PRKAR1B: variants seen among roughly 807,000 people sequenced by gnomAD.
PRKAR1B encodes the protein protein kinase cAMP-dependent type I regulatory subunit beta.
PRKAR1B carries 22 observed loss-of-function variants against 46.5 expected under a neutral mutation model. The ratio of observed to expected loss-of-function variants is 0.47; its 90% CI spans 0.34 to 0.68. The LOEUF (loss-of-function observed/expected upper bound fraction) is 0.68. Among genes scored for constraint, PRKAR1B ranks in the 30% least tolerant of loss-of-function variants. PRKAR1B has a pLI of 0.01. For synonymous variants in PRKAR1B, 259 were observed against 217.7 expected (o/e 1.19, Z -1.67); for missense variants, 445 against 535.6 (o/e 0.83, Z 1.67).
chr7:590,492 G>C (rs1451747602), intron 7 of PRKAR1B, among the ~76,000 whole-genome samples: 2 of 152,238 alleles, frequency 1.3e-5, no homozygotes, highest in African/African-American at 4.8e-5. Context: ...CCGAGAGATG[G>C]GCACTTGGAG....
intron 9 of PRKAR1B, among the ~76,000 whole-genome samples, chr7:555,287 G>T (rs926872718): frequency 7.2e-5 from 11 of 152,174 alleles, no homozygotes; most frequent in Non-Finnish European, 1.6e-4. Flanking sequence ...CCCCCACGGG[G>T]CTGCTGTGCC....
intron 4 of PRKAR1B, among the ~76,000 whole-genome samples, chr7:673,148 G>A (rs531634893): frequency 3.3e-5 from 5 of 149,558 alleles, no homozygotes; most frequent in South Asian, 2.1e-4. Context: ...CCCGCTTCAG[G>A]GCTGACTCTG....
chr7:726,023 T>G (rs536618615), intron 1 of PRKAR1B, among the ~76,000 whole-genome samples: 1 of 152,270 alleles, frequency 6.6e-6, no homozygotes, highest in African/African-American at 2.4e-5. Context: ...CTCAGGATTT[T>G]CAGAACCTGG....
intron 4 of PRKAR1B, among the ~76,000 whole-genome samples, chr7:610,208 G>C (rs563835003): frequency 5.9e-5 from 9 of 152,168 alleles, no homozygotes; most frequent in African/African-American, 2.2e-4. Flanking sequence ...CCAGTGACTC[G>C]AGGCTCACGT....
chr7:554,652 A>G (rs1583191966), intron 9 of PRKAR1B, among the ~76,000 whole-genome samples: 2 of 148,848 alleles, frequency 1.3e-5, no homozygotes, highest in Admixed American at 1.3e-4. Context: ...CGGATCCCAC[A>G]GAGCCAGAAG....
At chr7:627,196 C>T (rs1035175666) in intron 4 of PRKAR1B, among the ~76,000 whole-genome samples, 4 of 152,228 alleles carry the variant, frequency 2.6e-5, no homozygotes, top group Admixed American at 2.0e-4. Context: ...CGTCGCATTG[C>T]CCAGGCTGGT....
chr7:638,488 G>A (rs1276337176), intron 4 of PRKAR1B, among the ~76,000 whole-genome samples: 6 of 152,274 alleles, frequency 3.9e-5, no homozygotes, highest in African/African-American at 1.4e-4. Flanking sequence ...GTCTCTCCTA[G>A]ACACATCACG....
rs534483410 is a variant in PRKAR1B at position 643,609 on chromosome 7, C to G, written c.440+33620G>C. The stretch of plus-strand genomic sequence containing the variant: ...TGGTGGCGCAGGCCTGTAATCCCAG[C>G]TACTCGGGAGGCTGAGGCAGGAGAA... On this transcript the variant is annotated intron_variant, in intron 4 of 10. Coordinates refer to ENST00000537384, the MANE Select transcript of PRKAR1B (RefSeq NM_001164760.2). 5.9e-5 allele frequency among the ~76,000 whole-genome samples: 9 copies of G among 151,368 alleles called. No homozygotes were observed. In the South Asian group the frequency reaches 1.7e-3, roughly 28 times the overall value.
chr7:594,698 G>A (rs1350049570), intron 7 of PRKAR1B, among the ~76,000 whole-genome samples: 1 of 151,844 alleles, frequency 6.6e-6, no homozygotes, highest in Non-Finnish European at 1.5e-5. Flanking sequence ...CCAAGACCAT[G>A]AGGGGACTCC....
At chr7:671,253 G>C (rs1025445782) in intron 4 of PRKAR1B, among the ~76,000 whole-genome samples, 1 of 151,722 alleles carries the variant, frequency 6.6e-6, no homozygotes, top group Non-Finnish European at 1.5e-5. Context: ...GGCCAGAGCC[G>C]GGCTTTTGAT....
chr7:676,272 C>T (rs555828745), intron 4 of PRKAR1B, among the ~76,000 whole-genome samples: 3 of 152,294 alleles, frequency 2.0e-5, no homozygotes, highest in Admixed American at 6.5e-5. Flanking sequence ...CCACACATGG[C>T]GTCCAAGCCC....
At chr7:675,806 C>T (rs71538103) in intron 4 of PRKAR1B, among the ~76,000 whole-genome samples, 10,548 of 152,100 alleles carry the variant, frequency 0.069, 555 homozygotes, top group Middle Eastern at 0.17. Context: ...ATTAGCCGGG[C>T]GTGGTGTCGG....
chr7:642,776 G>A lies in PRKAR1B; in HGVS notation c.440+34453C>T, dbSNP rs554933566. On this transcript the variant is annotated intron_variant, in intron 4 of 10. Coordinates refer to ENST00000537384, the MANE Select transcript of PRKAR1B (RefSeq NM_001164760.2). Reference sequence around the variant, plus strand: ...AAAGAAACAAACTCTGCCCCCTGCCGCAAGACCCCAGTCAACCCCATTTCC... The same window carrying A: ...AAAGAAACAAACTCTGCCCCCTGCCACAAGACCCCAGTCAACCCCATTTCC... Among the ~76,000 whole-genome samples, 14 of 148,926 alleles carry A rather than the reference G, an allele frequency of 9.4e-5. 1 individual carries two copies. The highest frequency in any genetic ancestry group is 3.3e-4 in the African/African-American group (13 of 39,740).
intron 4 of PRKAR1B, among the ~76,000 whole-genome samples, chr7:615,419 C>T (rs1343863375): frequency 1.2e-4 from 17 of 141,148 alleles, no homozygotes; most frequent in African/African-American, 3.4e-4. Flanking sequence ...AGCGAGACTC[C>T]GTCTCAAAAA....
chr7:652,379 C>T (rs531817983), intron 4 of PRKAR1B, among the ~76,000 whole-genome samples: 11 of 149,880 alleles, frequency 7.3e-5, no homozygotes, highest in African/African-American at 2.5e-4. Context: ...AAACCCCTCT[C>T]GGAAGACAGT....
rs755723599 is a variant in PRKAR1B, at chr7:606,211, A to G, written c.531T>C (p.Val177=). The change falls in exon 6 of 11, where the codon GTT becomes GTC. Residue 177 remains valine, a synonymous_variant. Transcript: ENST00000537384. ...QGNEGDNFYV[V]DQGEVDVYVN... is the part of the protein sequence containing the mutation. ...CACTCACATCCACTTCCCCTTGATC[A>G]ACGACATAGAAGTTGTCTCCTTCAT... The G allele has an allele frequency of 1.9e-6, 3 of 1,614,026 alleles. No homozygotes were observed. Among genetic ancestry groups the G allele is most frequent in the Admixed American group, 1.7e-5 (1 of 60,002 alleles).
chr7:689,121 A>AT (rs539745154), intron 2 of PRKAR1B, among the ~76,000 whole-genome samples: 15 of 120,022 alleles, frequency 1.2e-4, no homozygotes, highest in East Asian at 2.7e-4. Context: ...AGAAAAAAAA[A>AT]TTTTTTTTTT....
In PRKAR1B at chr7:581,997, G is replaced by C. The variant is rs141334760; in HGVS notation, c.769+2511C>G. Among the ~76,000 whole-genome samples, 456 of 152,334 alleles carry C rather than the reference G, an allele frequency of 3.0e-3. 3 individuals carry two copies. The highest frequency in any genetic ancestry group is 0.011 in the African/African-American group (449 of 41,570). On this transcript the variant is annotated intron_variant, in intron 8 of 10. Transcript: ENST00000537384. Reference sequence around the variant, plus strand: ...GCCTCCCAAGTAGCTGGGACTGCAGGCATGTACCATCATGTCCAGCTAATT... The same window carrying C: ...GCCTCCCAAGTAGCTGGGACTGCAGCCATGTACCATCATGTCCAGCTAATT...
intron 4 of PRKAR1B, among the ~76,000 whole-genome samples, chr7:669,847 T>G (rs1297225511): frequency 1.3e-5 from 2 of 150,116 alleles, no homozygotes; most frequent in Admixed American, 1.3e-4. Context: ...AGAAGGCTGG[T>G]GGGCAGGTCC....
Sources: gnomAD v4.1 joint callset for allele counts (sites outside exome capture counted in the v4.1 genomes callset) on GRCh38, gnomAD v4.1.1 for gene constraint, MANE v1.5 for transcripts, NCBI Gene and HGNC (gene_info 2026-07-23, HGNC 2026-07-21) for gene names.